Variants in ARHGAP8 observed in about 807,000 individuals in gnomAD.
ARHGAP8 encodes the protein rho GTPase-activating protein 8.
ARHGAP8 carries 62 observed loss-of-function variants against 46.1 expected under a neutral mutation model. The observed-to-expected ratio is 1.34, with a 90% CI of 1.10 to 1.66. The LOEUF is 1.66. ARHGAP8 is among the 40% of genes most tolerant of loss of function. The pLI is 0.00. For missense variants in ARHGAP8, 923 were observed against 568.4 expected (o/e 1.62, Z -6.34); for synonymous variants, 375 against 243.1 (o/e 1.54, Z -5.05).
At chr22:44,789,210 T>A (rs571345510) in intron 2 of ARHGAP8, among the ~76,000 whole-genome samples, 46 of 152,160 alleles carry the variant, frequency 3.0e-4, no homozygotes, top group African/African-American at 9.9e-4. Flanking sequence ...AGTACAGTGG[T>A]GCGATCTCAG....
intron 1 of ARHGAP8, among the ~76,000 whole-genome samples, chr22:44,777,629 C>G (rs1412284412): frequency 1.3e-5 from 2 of 149,618 alleles, no homozygotes; most frequent in African/African-American, 5.0e-5. Context: ...TTTTTTTTTT[C>G]TCCCTTCTGA....
intron 1 of ARHGAP8, among the ~76,000 whole-genome samples, chr22:44,764,619 C>T (rs1051600415): frequency 6.6e-6 from 1 of 152,158 alleles, no homozygotes; most frequent in East Asian, 1.9e-4. Context: ...TTGGGCAAGC[C>T]CTCACCCTCT....
At position 44,769,254 on chromosome 22, in the gene ARHGAP8, C is replaced by T. The variant is rs114917227; in HGVS notation, c.-72+16627C>T. ...ATCTGCCCACAATCTTGCCCTGAAA[C>T]ACTTCTCGAAAATCAGCTGAACATA... On this transcript the variant is annotated intron_variant, in intron 1 of 11. Transcript: ENST00000356099. Among the ~76,000 whole-genome samples, 495 of 152,316 alleles carry T rather than the reference C, an allele frequency of 3.2e-3. 1 individual carries two copies. Among genetic ancestry groups the T allele is most frequent in the African/African-American group, 0.011 (464 of 41,568 alleles).
intron 2 of ARHGAP8, among the ~76,000 whole-genome samples, chr22:44,801,060 G>A (rs1256309236): frequency 1.5e-5 from 1 of 67,098 alleles, no homozygotes; most frequent in Non-Finnish European, 2.8e-5. Flanking sequence ...ACCTCTCCCC[G>A]CAGCTGTCCA....
chr22:44,791,803 T>G (rs1175633183), intron 2 of ARHGAP8, among the ~76,000 whole-genome samples: 1 of 152,140 alleles, frequency 6.6e-6, no homozygotes, highest in Non-Finnish European at 1.5e-5. Context: ...GATGCCGGCC[T>G]TAACCAGCAG....
At position 44,862,560 on chromosome 22, in the gene ARHGAP8, C is replaced by T; in HGVS notation, c.1267C>T (p.Pro423Ser). The change falls in exon 12 of 12, where the codon CCG (proline) becomes TCG (serine). Residue 423 changes from proline (P) to serine (S), a missense_variant. Coordinates refer to ENST00000356099, the MANE Select transcript of ARHGAP8 (RefSeq NM_181335.3). ...ATGLTKPTLP[P>S]SPLMAARRRL ...GGGCCTCACCAAGCCTACCCTACCT[C>T]CGAGTCCCCTGATGGCAGCCAGAAG... The T allele has an allele frequency of 2.5e-6, 4 of 1,597,226 alleles. No homozygotes were observed. Among genetic ancestry groups the T allele is most frequent in the Non-Finnish European group, 3.4e-6 (4 of 1,167,236 alleles).
chr22:44,814,569 A>G (rs963282111), intron 4 of ARHGAP8, 103 bp from the exon 5 acceptor site: 2 of 939,468 alleles, frequency 2.1e-6, no homozygotes, highest in Non-Finnish European at 3.3e-6. Context: ...GAGAGGAGTA[A>G]CATTCTGAGA....
At chr22:44,847,912 A>G in intron 8 of ARHGAP8, 61 bp from the exon 9 acceptor site, 1 of 1,595,360 alleles carries the variant, frequency 6.3e-7, no homozygotes, top group Non-Finnish European at 8.5e-7. Context: ...AGTGTCATAT[A>G]ATGTCCTGGA....
intron 1 of ARHGAP8, among the ~76,000 whole-genome samples, chr22:44,780,092 G>A (rs191409151): frequency 9.2e-5 from 14 of 152,264 alleles, no homozygotes; most frequent in African/African-American, 1.2e-4. Context: ...CATAGCTAAT[G>A]TATGTTCTCC....
At chr22:44,849,780 T>C (rs372197243) in intron 10 of ARHGAP8, 6 of 152,222 alleles carry the variant, frequency 3.9e-5, no homozygotes, top group African/African-American at 7.2e-5. Flanking sequence ...GGTTAAGATA[T>C]CGTAAAGACA....
intron 1 of ARHGAP8, among the ~76,000 whole-genome samples, chr22:44,767,801 A>T (rs1240447466): frequency 6.0e-5 from 9 of 149,956 alleles, no homozygotes; most frequent in Admixed American, 6.7e-5. Context: ...TGAACCCAGG[A>T]GATGGAGGTT....
rs200998545 is a variant in ARHGAP8, at chr22:44,847,962, C to G, written c.671-11C>G. ...GGACCTGTGAGATGCCTGGAAGCTCCTCTCCTGCAGGCCTGCGCACCGAGG... is the reference window on the plus strand; with the variant it reads ...GGACCTGTGAGATGCCTGGAAGCTCGTCTCCTGCAGGCCTGCGCACCGAGG... On this transcript the variant is annotated splice_polypyrimidine_tract_variant and intron_variant, in intron 8 of 11. Coordinates refer to ENST00000356099, the MANE Select transcript of ARHGAP8 (RefSeq NM_181335.3). 1 of 1,606,350 alleles carries G rather than the reference C, an allele frequency of 6.2e-7. No homozygotes were observed. The highest frequency in any genetic ancestry group is 2.2e-5 in the East Asian group (1 of 44,872).
intron 2 of ARHGAP8, among the ~76,000 whole-genome samples, chr22:44,798,952 C>T (rs1490863125): frequency 6.6e-6 from 1 of 152,166 alleles, no homozygotes; most frequent in Non-Finnish European, 1.5e-5. Flanking sequence ...TGAATGCTTT[C>T]GTCCTGGAAG....
chr22:44,851,562 T>C (rs1387630446), intron 10 of ARHGAP8, among the ~76,000 whole-genome samples: 1 of 152,156 alleles, frequency 6.6e-6, no homozygotes, highest in Non-Finnish European at 1.5e-5. Flanking sequence ...TGGTGGCTCA[T>C]GCCTGTAATC....
intron 11 of ARHGAP8, 36 bp from the exon 12 acceptor site, chr22:44,862,239 G>T (rs769028591): frequency 5.1e-6 from 8 of 1,554,706 alleles, no homozygotes; most frequent in South Asian, 1.2e-5. Context: ...GCCCCTTGGT[G>T]TTCACTCCCC....
At chr22:44,765,975 G>A (rs1925527075) in intron 1 of ARHGAP8, 2 of 152,418 alleles carry the variant, frequency 1.3e-5, no homozygotes, top group South Asian at 2.1e-4. Flanking sequence ...AGGGAGGACT[G>A]GGAAGAGGCA....
intron 2 of ARHGAP8, chr22:44,801,825 G>A: frequency 1.9e-6 from 1 of 537,026 alleles, no homozygotes; most frequent in Non-Finnish European, 3.3e-6. Flanking sequence ...TAACCCTGCT[G>A]GGCCTCGGTT....
In ARHGAP8 at chr22:44,825,393, C is replaced by T. The variant is rs973882621; in HGVS notation, c.486-90C>T. ...CAGAGGGATGAGATGCCCAGGTGTC[C>T]TGCAGGTGGGGCATCCAGCCCCACC... On this transcript the variant is annotated intron_variant, in intron 6 of 11. Transcript: ENST00000356099. 2.6e-5 allele frequency: 37 copies of T among 1,413,790 alleles called. 1 individual carries two copies. The South Asian group carries it at 3.4e-4, about 13-fold the overall frequency. The allele number at this position is 1,413,790 out of a possible 1,614,324, so 87.6% of individuals were successfully genotyped here. A position where few individuals can be genotyped will look rare whatever the true frequency, so the allele number is the denominator to read the frequency against.
At chr22:44,759,183 C>G (rs370799683) in intron 1 of ARHGAP8, among the ~76,000 whole-genome samples, 1 of 152,188 alleles carries the variant, frequency 6.6e-6, no homozygotes, top group Non-Finnish European at 1.5e-5. Flanking sequence ...CAACAGACCT[C>G]CCAAGTCCCT....
Sources: allele counts gnomAD v4.1 joint callset (sites outside exome capture counted in the v4.1 genomes callset), GRCh38; gene constraint gnomAD v4.1.1; transcripts MANE v1.5; gene names NCBI Gene and HGNC (gene_info 2026-07-23, HGNC 2026-07-21).